ESYT2: variants seen among roughly 807,000 people sequenced by gnomAD.
ESYT2 encodes the protein extended synaptotagmin-2.
In ESYT2, 54 loss-of-function variants were observed where a neutral mutation model predicts 107.2. The ratio of observed to expected loss-of-function variants is 0.50; its 90% CI spans 0.40 to 0.63. The LOEUF is 0.63. ESYT2 is among the 30% of genes least tolerant of loss of function. The pLI is 0.00. For synonymous variants in ESYT2, 491 were observed against 434.1 expected (o/e 1.13, Z -1.63); for missense variants, 1,020 against 1,094.5 (o/e 0.93, Z 0.96).
intron 3 of ESYT2, among the ~76,000 whole-genome samples, chr7:158,794,538 C>T (rs1394543864): frequency 6.6e-6 from 1 of 152,130 alleles, no homozygotes; most frequent in African/African-American, 2.4e-5. Context: ...AAGCTGTAAT[C>T]CCCGCACTTT....
chr7:158,759,953 G>A (rs1205355131), intron 12 of ESYT2, 105 bp downstream of exon 12: 2 of 951,580 alleles, frequency 2.1e-6, no homozygotes, highest in Non-Finnish European at 3.3e-6. Flanking sequence ...GAAAATTACT[G>A]CTATAATTGT....
intron 19 of ESYT2, among the ~76,000 whole-genome samples, 158 bp from the exon 20 acceptor site, chr7:158,737,337 C>T (rs1159629281): frequency 1.3e-5 from 2 of 152,294 alleles, no homozygotes; most frequent in East Asian, 1.9e-4. Flanking sequence ...CCTCCCCCGA[C>T]GGCTGCCTGG....
At chr7:158,737,554 G>A (rs12672817) in intron 19 of ESYT2, among the ~76,000 whole-genome samples, 36,033 of 151,968 alleles carry the variant, frequency 0.24, 5,147 homozygotes, top group East Asian at 0.59. Context: ...CCCTCCAGAA[G>A]GGGGCTGCTC....
intron 1 of ESYT2, among the ~76,000 whole-genome samples, chr7:158,814,560 A>G (rs1435676342): frequency 6.6e-6 from 1 of 152,184 alleles, no homozygotes; most frequent in Non-Finnish European, 1.5e-5. Flanking sequence ...AATATATCAC[A>G]GTCTGGCTGT....
chr7:158,812,266 T>C (rs774803130), intron 1 of ESYT2, among the ~76,000 whole-genome samples: 1 of 152,172 alleles, frequency 6.6e-6, no homozygotes, highest in Non-Finnish European at 1.5e-5. Context: ...ACTGCTAAGT[T>C]CTGAGGTGTG....
intron 9 of ESYT2, 152 bp from the exon 10 acceptor site, chr7:158,763,317 T>C: frequency 2.6e-6 from 1 of 390,942 alleles, no homozygotes. Context: ...TTTCTGGAGA[T>C]GGAGTCTCGC....
chr7:158,735,699 C>A (rs1587362545), intron 20 of ESYT2, 91 bp from the exon 21 acceptor site: 4 of 1,042,188 alleles, frequency 3.8e-6, no homozygotes, highest in African/African-American at 3.2e-5. Context: ...GAGATCATTC[C>A]AAATGTCATG....
Position 158,764,702 on chromosome 7 carries a change from C to G in ESYT2, c.1076G>C (p.Ser359Thr). 6.2e-7 allele frequency: 1 copy of G among 1,614,148 alleles called. No individual in the cohort carries two copies. Among genetic ancestry groups the G allele is most frequent in the Non-Finnish European group, 8.5e-7 (1 of 1,180,012 alleles). ...FQSRVIKENL[S>T]PKWNEVYEAL... is the part of the protein sequence containing the mutation. ...CTCATAGACTTCATTCCACTTTGGA[C>G]TGAGGTTCTCCTTGATGACTCTGCT... is the stretch of plus-strand genomic sequence containing the variant. The change falls in exon 9 of 23, where the codon AGT (serine) becomes ACT (threonine). Residue 359 changes from serine (S) to threonine (T), a missense_variant. Physicochemically the swap from Ser to Thr is moderately conservative, Grantham distance 58. Coordinates refer to ENST00000275418, the MANE Select transcript of ESYT2 (RefSeq NM_001367773.1).
At chr7:158,791,442 C>T (rs752856684) in intron 4 of ESYT2, among the ~76,000 whole-genome samples, 1 of 152,198 alleles carries the variant, frequency 6.6e-6, no homozygotes, top group Non-Finnish European at 1.5e-5. Context: ...GGTATGTACA[C>T]AGAGGCGGGA....
At chr7:158,754,555 A>G (rs1034860358) in intron 13 of ESYT2, among the ~76,000 whole-genome samples, 2 of 151,972 alleles carry the variant, frequency 1.3e-5, no homozygotes, top group African/African-American at 4.8e-5. Flanking sequence ...CAAAGCTCCT[A>G]GCATCATTAG....
intron 20 of ESYT2, among the ~76,000 whole-genome samples, 157 bp from the exon 21 acceptor site, chr7:158,735,765 C>G (rs1050877470): frequency 1.3e-5 from 2 of 152,132 alleles, no homozygotes; most frequent in African/African-American, 4.8e-5. Context: ...TCTGGCATTT[C>G]AGGAAGACTC....
rs57351086 is a variant in ESYT2, at chr7:158,798,646, C to CAAAAAAAAAA, written c.372+375_372+384dup. Among the ~76,000 whole-genome samples, 137 of 49,868 alleles carry CAAAAAAAAAA rather than the reference C, an allele frequency of 2.7e-3. 13 individuals are homozygous for CAAAAAAAAAA. The highest frequency in any genetic ancestry group is 0.017 in the Middle Eastern group (1 of 60). 32.7% of individuals were successfully genotyped at this position (49,868 alleles called of 152,430 possible). On this transcript the variant is annotated intron_variant, in intron 2 of 22. Coordinates refer to ENST00000275418, the MANE Select transcript of ESYT2 (RefSeq NM_001367773.1). ...GGGCAACAAGAGTGAAGCTCCGTCT[C>CAAAAAAAAAA]AAAAAAAAAAAAAAAAAAAAAAAAA...
chr7:158,734,110 T>G lies in ESYT2; in HGVS notation c.*97A>C. On this transcript the variant is annotated 3_prime_UTR_variant, in exon 23 of 23. Coordinates refer to ENST00000275418, the MANE Select transcript of ESYT2 (RefSeq NM_001367773.1). ...ATTAAGGTATGTATAACTAAATCCA[T>G]GAAATTATAAAAATAACATTGGTAC... 7.0e-7 allele frequency: 1 copy of G among 1,432,964 alleles called. No homozygotes were observed. The highest frequency in any genetic ancestry group is 9.7e-7 in the Non-Finnish European group (1 of 1,033,510). The allele number at this position is 1,432,964 out of a possible 1,614,324, so 88.8% of individuals were successfully genotyped here. A position where few individuals can be genotyped will look rare whatever the true frequency, so the allele number is the denominator to read the frequency against.
intron 4 of ESYT2, 49 bp downstream of exon 4, chr7:158,793,601 A>T: frequency 7.4e-7 from 1 of 1,352,174 alleles, no homozygotes; most frequent in Non-Finnish European, 1.1e-6. Context: ...CAGCTAAGTG[A>T]CATTACACGC....
intron 6 of ESYT2, among the ~76,000 whole-genome samples, chr7:158,774,805 T>G (rs531027740): frequency 6.6e-6 from 1 of 152,310 alleles, no homozygotes; most frequent in South Asian, 2.1e-4. Flanking sequence ...TGCAAGCACC[T>G]CACACAGCGC....
chr7:158,771,836 T>C (rs567541659), intron 7 of ESYT2, among the ~76,000 whole-genome samples: 1 of 152,182 alleles, frequency 6.6e-6, no homozygotes, highest in African/African-American at 2.4e-5. Flanking sequence ...TATTATTTAC[T>C]GGCCGGGTGC....
intron 21 of ESYT2, among the ~76,000 whole-genome samples, chr7:158,735,017 G>A (rs1437962335): frequency 3.3e-5 from 5 of 152,168 alleles, no homozygotes; most frequent in South Asian, 2.1e-4. Context: ...CAGCTATGAC[G>A]GAATATCAGC....
intron 16 of ESYT2, chr7:158,743,993 G>T: frequency 4.4e-6 from 1 of 225,566 alleles, no homozygotes; most frequent in South Asian, 6.4e-5. Context: ...AGAATCGCTT[G>T]AACCTGGGAG....
chr7:158,761,282 C>G (rs1393403713), intron 11 of ESYT2, among the ~76,000 whole-genome samples: 1 of 152,228 alleles, frequency 6.6e-6, no homozygotes. Flanking sequence ...GGTAGGGACT[C>G]AACACGCACC....
Sources: allele counts gnomAD v4.1 joint callset (sites outside exome capture counted in the v4.1 genomes callset), GRCh38; gene constraint gnomAD v4.1.1; transcripts MANE v1.5; gene names NCBI Gene and HGNC (gene_info 2026-07-23, HGNC 2026-07-21).